MMS19: variants seen among roughly 807,000 people sequenced by gnomAD.
MMS19 encodes the protein MMS19 nucleotide excision repair protein homolog.
Under a neutral mutation model 129.8 loss-of-function variants are expected in MMS19, and 77 were observed. The observed-to-expected ratio is 0.59, with a 90% CI of 0.49 to 0.72. The LOEUF is 0.72. Among genes scored for constraint, MMS19 ranks in the 30% least tolerant of loss-of-function variants. MMS19 has a pLI of 0.00. For missense variants in MMS19, 1,168 were observed against 1,266.3 expected (o/e 0.92, Z 1.18); for synonymous variants, 491 against 502.8 (o/e 0.98, Z 0.31).
At chr10:97,471,560 G>T (rs1051662864) in intron 8 of MMS19, among the ~76,000 whole-genome samples, 5 of 151,870 alleles carry the variant, frequency 3.3e-5, no homozygotes, top group African/African-American at 1.2e-4. Flanking sequence ...ACCCATGCTG[G>T]ATTGCAGTGG....
rs2133368580 is a variant in MMS19, at chr10:97,465,961, G to A, written c.1607-7C>T. On this transcript the variant is annotated splice_polypyrimidine_tract_variant and splice_region_variant and intron_variant, in intron 17 of 30. Coordinates refer to ENST00000438925, the MANE Select transcript of MMS19 (RefSeq NM_022362.5). ...TTAGTCAAATTTGACTCCCCTGAAA[G>A]CAACCCATGAGACAAAGGTTTACTG... The A allele has an allele frequency of 6.2e-7, 1 of 1,613,670 alleles. No individual in the cohort carries two copies. Among genetic ancestry groups the A allele is most frequent in the Middle Eastern group, 1.7e-4 (1 of 6,060 alleles).
chr10:97,498,662 C>A, upstream of MMS19: 3 of 464,936 alleles, frequency 6.5e-6, no homozygotes, highest in Non-Finnish European at 7.6e-6. Flanking sequence ...GCGGGGCGGG[C>A]ACCTGGCTGG....
intron 18 of MMS19, 122 bp from the exon 19 acceptor site, chr10:97,464,135 A>G (rs2032797881): frequency 6.0e-6 from 5 of 830,788 alleles, no homozygotes; most frequent in Middle Eastern, 2.9e-4. Flanking sequence ...GCCTTATTAA[A>G]AAGCTGAGTC....
chr10:97,468,276 C>T lies in MMS19; in HGVS notation c.1194G>A (p.Leu398=), dbSNP rs2033948092. The change falls in exon 13 of 31, where the codon CTG becomes CTA. Residue 398 remains leucine (L), a synonymous_variant. Coordinates refer to ENST00000438925, the MANE Select transcript of MMS19 (RefSeq NM_022362.5). ...CCTGACTGTGCTTGTGGAACTGTTC[C>T]AGCAGTAAAGGCAGTACATTGCTGG... The part of the protein sequence containing the change: ...SVTSNVLPLL[L]EQFHKHSQSS... 6.2e-7 allele frequency: 1 copy of T among 1,600,110 alleles called. No homozygotes were observed. Among genetic ancestry groups the T allele is most frequent in the Non-Finnish European group, 8.5e-7 (1 of 1,171,014 alleles).
chr10:97,475,948 C>G (rs2035681220), intron 8 of MMS19, among the ~76,000 whole-genome samples: 1 of 152,140 alleles, frequency 6.6e-6, no homozygotes, highest in African/African-American at 2.4e-5. Flanking sequence ...CTGAAATAAG[C>G]TGGTAAGAAA....
In MMS19 at chr10:97,477,337, T is replaced by G. The variant is rs376729837; in HGVS notation, c.493+10A>C. The G allele has an allele frequency of 2.9e-5, 47 of 1,613,904 alleles. No homozygotes were observed. Among genetic ancestry groups the G allele is most frequent in the Admixed American group, 1.7e-4 (10 of 60,004 alleles). The stretch of plus-strand genomic sequence containing the variant: ...GCTTTTGACATTTCCCAGAAAGCTC[T>G]GTCTCTTACCTTCTTCCCGGGTTCG... On this transcript the variant is annotated intron_variant, in intron 6 of 30. Coordinates refer to ENST00000438925, the MANE Select transcript of MMS19 (RefSeq NM_022362.5).
chr10:97,490,974 T>C (rs1279071673), intron 1 of MMS19, among the ~76,000 whole-genome samples: 1 of 152,212 alleles, frequency 6.6e-6, no homozygotes, highest in East Asian at 1.9e-4. Context: ...AGTTGGGTTC[T>C]ATACCCAATT....
chr10:97,487,244 C>T (rs2038061377), intron 1 of MMS19, among the ~76,000 whole-genome samples: 1 of 150,588 alleles, frequency 6.6e-6, no homozygotes, highest in African/African-American at 2.4e-5. Context: ...GTCCTGGAAC[C>T]AATTTGGAAA....
At chr10:97,470,955 C>T in intron 8 of MMS19, 94 bp from the exon 9 acceptor site, 2 of 857,584 alleles carry the variant, frequency 2.3e-6, no homozygotes, top group Non-Finnish European at 3.6e-6. Context: ...CAGGGTGATA[C>T]TCATACCCAA....
intron 25 of MMS19, 141 bp from the exon 26 acceptor site, chr10:97,460,373 G>T (rs1447153830): frequency 1.3e-5 from 10 of 748,238 alleles, no homozygotes; most frequent in Middle Eastern, 3.5e-4. Context: ...CTTGAGTCTA[G>T]GAGTCTGGGC....
At chr10:97,498,649 G>C, upstream of MMS19, 1 of 484,380 alleles carries the variant, frequency 2.1e-6, no homozygotes. Context: ...CGGGAGACGG[G>C]CTGCGGGGCG....
chr10:97,461,643 TAATGGACCCAGAG>T, intron 22 of MMS19, 21 bp from the exon 23 acceptor site: 1 of 1,593,492 alleles, frequency 6.3e-7, no homozygotes. Flanking sequence ...CCTGGCCATG[TAATGGACCCAGAG>T]AACACTTGAA....
intron 1 of MMS19, among the ~76,000 whole-genome samples, chr10:97,486,799 G>A (rs10786351): frequency 0.29 from 41,245 of 141,446 alleles, 6,133 homozygotes; most frequent in East Asian, 0.49. Flanking sequence ...TAAGATAATC[G>A]CCATAAAAAC....
intron 26 of MMS19, 97 bp from the exon 27 acceptor site, chr10:97,459,838 C>T (rs990435854): frequency 2.8e-5 from 31 of 1,093,746 alleles, no homozygotes; most frequent in Non-Finnish European, 6.8e-6. Flanking sequence ...CATCAGCCTA[C>T]AAACGGGTGA....
intron 8 of MMS19, among the ~76,000 whole-genome samples, chr10:97,472,690 AC>A (rs2034979967): frequency 6.6e-6 from 1 of 151,402 alleles, no homozygotes; most frequent in Non-Finnish European, 1.5e-5. Flanking sequence ...GCTCAATGCA[AC>A]CTCTGCCTCC....
In MMS19 at chr10:97,466,212, T is replaced by C; in HGVS notation, c.1506-53A>G. ...GCTGAGCCTGGGCTCACAGCTCTCT[T>C]GCCTACGTCTGATATTAGGCAGATT... On this transcript the variant is annotated intron_variant, in intron 16 of 30. Coordinates refer to ENST00000438925, the MANE Select transcript of MMS19 (RefSeq NM_022362.5). The C allele has an allele frequency of 7.7e-6, 11 of 1,424,676 alleles. No individual in the cohort carries two copies. In the South Asian group the frequency reaches 1.4e-4, roughly 18 times the overall value. The allele number at this position is 1,424,676 out of a possible 1,614,324, so 88.3% of individuals were successfully genotyped here. A position where few individuals can be genotyped will look rare whatever the true frequency, so the allele number is the denominator to read the frequency against.
At chr10:97,484,978 A>G (rs2037557567) in intron 1 of MMS19, among the ~76,000 whole-genome samples, 1 of 151,988 alleles carries the variant, frequency 6.6e-6, no homozygotes, top group Non-Finnish European at 1.5e-5. Context: ...GATGGGTTTC[A>G]CCATGTTGCT....
chr10:97,471,342 T>C (rs1353981053), intron 8 of MMS19, among the ~76,000 whole-genome samples: 1 of 152,130 alleles, frequency 6.6e-6, no homozygotes, highest in African/African-American at 2.4e-5. Context: ...TAATTCCTTG[T>C]TGATGGACAT....
chr10:97,465,188 G>A (rs1453887347), intron 18 of MMS19, among the ~76,000 whole-genome samples: 1 of 145,850 alleles, frequency 6.9e-6, no homozygotes, highest in Non-Finnish European at 1.5e-5. Flanking sequence ...TTTTAGTAGA[G>A]ACGGGATTGC....
Sources: allele counts gnomAD v4.1 joint callset (sites outside exome capture counted in the v4.1 genomes callset), GRCh38; gene constraint gnomAD v4.1.1; transcripts MANE v1.5; gene names NCBI Gene and HGNC (gene_info 2026-07-23, HGNC 2026-07-21).